C7orf78: variants seen among roughly 807,000 people sequenced by gnomAD.
The protein encoded by C7orf78 is chromosome 7 open reading frame 78, also known as putative uncharacterized protein C7orf78.
chr7:12,496,863 AG>A, the C7orf78 span, among the ~76,000 whole-genome samples: 2 of 152,238 alleles, frequency 1.3e-5, no homozygotes, highest in African/African-American at 4.8e-5. Flanking sequence ...TAAGAGATTT[AG>A]TCAATTCAAC....
At chr7:12,521,132 A>G in the C7orf78 span, among the ~76,000 whole-genome samples, 1 of 152,096 alleles carries the variant, frequency 6.6e-6, no homozygotes, top group Non-Finnish European at 1.5e-5. Flanking sequence ...AGGTTCTTGT[A>G]GGTAGCAAAT....
the C7orf78 span, among the ~76,000 whole-genome samples, chr7:12,517,822 C>CT: frequency 5.7e-4 from 86 of 152,134 alleles, 1 homozygote; most frequent in East Asian, 0.01. Context: ...TTTCAGCATT[C>CT]TCCTGTATCT....
the C7orf78 span, among the ~76,000 whole-genome samples, chr7:12,511,799 T>G: frequency 6.6e-6 from 1 of 152,062 alleles, no homozygotes; most frequent in African/African-American, 2.4e-5. Flanking sequence ...TCGCCCAGGC[T>G]GGAGTGCAGT....
At chr7:12,536,690 T>C in the C7orf78 span, among the ~76,000 whole-genome samples, 1 of 152,196 alleles carries the variant, frequency 6.6e-6, no homozygotes, top group African/African-American at 2.4e-5. Context: ...CTTATAAAAC[T>C]GAATGCCCTT....
chr7:12,486,445 G>A, the C7orf78 span, among the ~76,000 whole-genome samples: 1 of 151,730 alleles, frequency 6.6e-6, no homozygotes, highest in South Asian at 2.1e-4. Context: ...TAGCATCTAG[G>A]TGCAGTCTGA....
the C7orf78 span, among the ~76,000 whole-genome samples, chr7:12,498,720 G>C: frequency 1.9e-4 from 29 of 150,816 alleles, no homozygotes; most frequent in Non-Finnish European, 4.0e-4. Flanking sequence ...TTCAGATTCA[G>C]GAAATACAGA....
the C7orf78 span, among the ~76,000 whole-genome samples, chr7:12,511,385 A>G: frequency 0.29 from 44,461 of 151,912 alleles, 7,139 homozygotes; most frequent in African/African-American, 0.43. Flanking sequence ...ATGGTTATGA[A>G]AGATTGTTTT....
the C7orf78 span, among the ~76,000 whole-genome samples, chr7:12,500,630 C>T: frequency 1.3e-5 from 2 of 151,930 alleles, no homozygotes. Context: ...GATGGATTCA[C>T]AGCCGAATTC....
chr7:12,502,390 AAAAC>A, the C7orf78 span, among the ~76,000 whole-genome samples: 1 of 151,190 alleles, frequency 6.6e-6, no homozygotes, highest in Non-Finnish European at 1.5e-5. Flanking sequence ...TTACAAGAAA[AAAAC>A]AAACAACCCC....
At chr7:12,512,858 T>C in the C7orf78 span, among the ~76,000 whole-genome samples, 3 of 152,170 alleles carry the variant, frequency 2.0e-5, no homozygotes, top group Admixed American at 6.5e-5. Flanking sequence ...TTACTACTTA[T>C]TAGTCTGTTC....
chr7:12,493,991 G>C, the C7orf78 span, among the ~76,000 whole-genome samples: 1 of 152,164 alleles, frequency 6.6e-6, no homozygotes, highest in African/African-American at 2.4e-5. Context: ...GTCTACTTCA[G>C]TTTAGAATGG....
At chr7:12,514,070 G>A in the C7orf78 span, among the ~76,000 whole-genome samples, 1 of 152,144 alleles carries the variant, frequency 6.6e-6, no homozygotes, top group Admixed American at 6.5e-5. Flanking sequence ...GTAAATGCCT[G>A]TTAGGTTCAT....
chr7:12,528,861 C>T, the C7orf78 span: 8 of 397,862 alleles, frequency 2.0e-5, no homozygotes, highest in South Asian at 1.3e-4. Flanking sequence ...AACAAAGACA[C>T]GTGCCATTGC....
chr7:12,535,059 A>T, the C7orf78 span, among the ~76,000 whole-genome samples: 1 of 152,280 alleles, frequency 6.6e-6, no homozygotes, highest in East Asian at 1.9e-4. Flanking sequence ...ATGACAAAAC[A>T]TGAAAATGTG....
the C7orf78 span, among the ~76,000 whole-genome samples, chr7:12,494,028 A>G: frequency 6.6e-6 from 1 of 152,228 alleles, no homozygotes; most frequent in East Asian, 1.9e-4. Context: ...TGGATGAGTC[A>G]TAAAAGAGAA....
chr7:12,518,138 A>G, the C7orf78 span, among the ~76,000 whole-genome samples: 247 of 152,266 alleles, frequency 1.6e-3, 1 homozygote, highest in East Asian at 0.036. Context: ...CCTACAAACA[A>G]TGTTAGTGGT....
the C7orf78 span, among the ~76,000 whole-genome samples, chr7:12,501,564 G>A: frequency 7.3e-6 from 1 of 137,648 alleles, no homozygotes; most frequent in Admixed American, 7.4e-5. Context: ...ACAAACCACT[G>A]CTCAAGGAAA....
the C7orf78 span, among the ~76,000 whole-genome samples, chr7:12,492,564 C>G: frequency 6.6e-6 from 1 of 152,204 alleles, no homozygotes; most frequent in Middle Eastern, 3.2e-3. Context: ...CATACATAAA[C>G]ACAATCCAAA....
the C7orf78 span, among the ~76,000 whole-genome samples, chr7:12,522,789 G>C: frequency 4.9e-4 from 74 of 152,200 alleles, no homozygotes; most frequent in African/African-American, 1.7e-3. Flanking sequence ...CTGTGACAAA[G>C]GTGCTGAATA....
Sources: allele counts gnomAD v4.1 joint callset (sites outside exome capture counted in the v4.1 genomes callset), GRCh38; gene constraint gnomAD v4.1.1; transcripts MANE v1.5; gene names NCBI Gene and HGNC (gene_info 2026-07-23, HGNC 2026-07-21).